The following RNF38 variants were observed in gnomAD, a reference collection of about 807,000 sequenced individuals.
The protein encoded by RNF38 is E3 ubiquitin-protein ligase RNF38.
Under a neutral mutation model 67.2 loss-of-function variants are expected in RNF38, and 15 were observed. That is an observed-to-expected ratio of 0.22 (90% confidence interval 0.15 to 0.34). RNF38 has a LOEUF of 0.34. RNF38 is among the 10% of genes least tolerant of loss of function. The pLI, the probability that RNF38 is intolerant of heterozygous loss-of-function variation, is 1.00. For missense variants in RNF38, 524 were observed against 639.9 expected (o/e 0.82, Z 1.95); for synonymous variants, 220 against 218.8 (o/e 1.01, Z -0.05).
chr9:36,391,264 T>C (rs990208115), intron 1 of RNF38, among the ~76,000 whole-genome samples: 24 of 152,190 alleles, frequency 1.6e-4, no homozygotes, highest in Admixed American at 1.4e-3. Flanking sequence ...CCCAGCACTT[T>C]GGTATGCCAA....
rs528936483 is a variant in RNF38 at position 36,338,457 on chromosome 9, C to T, written c.*1295G>A. 6.6e-6 allele frequency: 1 copy of T among 152,198 alleles called. No homozygotes were observed. The highest frequency in any genetic ancestry group is 1.5e-5 in the Non-Finnish European group (1 of 68,040). 9.4% of individuals were successfully genotyped at this position (152,198 alleles called of 1,614,324 possible). Reference sequence around the variant, plus strand: ...CAGGTCTAAGGAACATGAGCTGTAACAGCACTTGATCCATCCTGAAACCAG... The same window carrying T: ...CAGGTCTAAGGAACATGAGCTGTAATAGCACTTGATCCATCCTGAAACCAG... On this transcript the variant is annotated 3_prime_UTR_variant, in exon 12 of 12. Transcript: ENST00000259605.
intron 4 of RNF38, among the ~76,000 whole-genome samples, chr9:36,365,554 G>C (rs1834876170): frequency 1.3e-5 from 2 of 151,492 alleles, no homozygotes; most frequent in African/African-American, 4.9e-5. Flanking sequence ...TCCTGGGCAA[G>C]AAGAGCGAAA....
chr9:36,401,017 C>G, upstream of RNF38: 1 of 984,710 alleles, frequency 1.0e-6, no homozygotes, highest in Non-Finnish European at 1.2e-6. Context: ...CTCCCCTCGC[C>G]GCTAGGCCGC....
intron 1 of RNF38, among the ~76,000 whole-genome samples, chr9:36,429,108 C>A (rs946634803): frequency 5.9e-5 from 9 of 152,210 alleles, no homozygotes; most frequent in Non-Finnish European, 1.3e-4. Flanking sequence ...AGATGCATTT[C>A]TTTGCCAATA....
At chr9:36,360,270 T>C (rs1834430714) in intron 4 of RNF38, among the ~76,000 whole-genome samples, 1 of 152,224 alleles carries the variant, frequency 6.6e-6, no homozygotes, top group African/African-American at 2.4e-5. Flanking sequence ...TTTTACTCTA[T>C]TTGCATGTCA....
At chr9:36,400,700 A>T (rs1297252255), upstream of RNF38, 10 of 985,800 alleles carry the variant, frequency 1.0e-5, no homozygotes, top group African/African-American at 1.7e-5. Context: ...CCCGGCTCCA[A>T]CTTAGGCACT....
intron 1 of RNF38, among the ~76,000 whole-genome samples, chr9:36,396,063 T>C (rs1411746564): frequency 1.3e-5 from 2 of 152,242 alleles, no homozygotes; most frequent in Non-Finnish European, 2.9e-5. Context: ...GACTTGAGCA[T>C]ACACTCAGGA....
At chr9:36,343,300 A>G (rs1311718584) in intron 10 of RNF38, among the ~76,000 whole-genome samples, 1 of 152,206 alleles carries the variant, frequency 6.6e-6, no homozygotes, top group Non-Finnish European at 1.5e-5. Flanking sequence ...TTTTTTTTAC[A>G]CTTTTTATTA....
At chr9:36,423,360 T>C (rs1334221763) in intron 2 of RNF38, among the ~76,000 whole-genome samples, 2 of 152,098 alleles carry the variant, frequency 1.3e-5, no homozygotes, top group African/African-American at 4.8e-5. Flanking sequence ...AAGAAACCAT[T>C]TGGAAAATCC....
chr9:36,347,301 C>T lies in RNF38; in HGVS notation c.1264-2348G>A, dbSNP rs187192180. Among the ~76,000 whole-genome samples, 13 of 152,238 alleles carry T rather than the reference C, an allele frequency of 8.5e-5. No individual in the cohort carries two copies. In the East Asian group the frequency reaches 1.7e-3, roughly 20 times the overall value. ...ATGTTAAGTTCTTACAGTATAAAGA[C>T]TACACAGGCATATTTCACTTTACTG... is the stretch of plus-strand genomic sequence containing the variant. On this transcript the variant is annotated intron_variant, in intron 9 of 11. Coordinates refer to ENST00000259605, the MANE Select transcript of RNF38 (RefSeq NM_022781.5).
At chr9:36,386,421 TTC>T (rs1364400552) in intron 2 of RNF38, among the ~76,000 whole-genome samples, 1 of 152,248 alleles carries the variant, frequency 6.6e-6, no homozygotes, top group Admixed American at 6.5e-5. Flanking sequence ...CACAATAATT[TTC>T]TCTTTCAGAA....
intron 1 of RNF38, among the ~76,000 whole-genome samples, chr9:36,463,329 T>C (rs964903138): frequency 1.3e-5 from 2 of 152,204 alleles, no homozygotes; most frequent in Non-Finnish European, 2.9e-5. Flanking sequence ...TATGAAGTAA[T>C]AAACTGGCAC....
At chr9:36,460,964 A>G (rs1839719533) in intron 1 of RNF38, among the ~76,000 whole-genome samples, 1 of 151,672 alleles carries the variant, frequency 6.6e-6, no homozygotes, top group Non-Finnish European at 1.5e-5. Flanking sequence ...TGTAATTCCA[A>G]CACTTTGGGA....
chr9:36,393,790 T>G (rs1157651124), intron 1 of RNF38, among the ~76,000 whole-genome samples: 1 of 152,050 alleles, frequency 6.6e-6, no homozygotes, highest in African/African-American at 2.4e-5. Flanking sequence ...TCCCAAGAGA[T>G]TCTCTTGCCA....
chr9:36,374,055 C>T lies in RNF38; in HGVS notation c.356+1879G>A, dbSNP rs149523560. Among the ~76,000 whole-genome samples, 681 of 152,216 alleles carry T rather than the reference C, an allele frequency of 4.5e-3. 3 individuals are homozygous for T. The highest frequency in any genetic ancestry group is 0.017 in the Middle Eastern group (5 of 294). On this transcript the variant is annotated intron_variant, in intron 3 of 11. Coordinates refer to ENST00000259605, the MANE Select transcript of RNF38 (RefSeq NM_022781.5). ...AGGAAGACTACAGCAGGTACTCAGG[C>T]CTTAACTTTGCAATAACTATACTTT...
chr9:36,400,922 G>GCGCCCCGCCT, upstream of RNF38: 1 of 879,246 alleles, frequency 1.1e-6, no homozygotes, highest in South Asian at 5.4e-5. Flanking sequence ...GCGCCCCGCC[G>GCGCCCCGCCT]CACCCCGCCT....
intron 2 of RNF38, among the ~76,000 whole-genome samples, chr9:36,380,029 A>T (rs1025653241): frequency 1.3e-5 from 2 of 152,192 alleles, no homozygotes; most frequent in African/African-American, 4.8e-5. Flanking sequence ...CTAGTTTCTG[A>T]TAGTTAAAAT....
At chr9:36,418,236 C>T (rs1838525307) in intron 2 of RNF38, among the ~76,000 whole-genome samples, 1 of 151,970 alleles carries the variant, frequency 6.6e-6, no homozygotes, top group African/African-American at 2.4e-5. Context: ...CCATGTTGTC[C>T]AGGCTGGTCA....
chr9:36,487,341 C>T (rs1319910410), exon 1 of RNF38: 1 of 985,040 alleles, frequency 1.0e-6, no homozygotes, highest in Admixed American at 6.2e-5. Flanking sequence ...GCGCCGCCAC[C>T]CTGGGCTCCC....
Sources: gnomAD v4.1 joint callset for allele counts (sites outside exome capture counted in the v4.1 genomes callset) on GRCh38, gnomAD v4.1.1 for gene constraint, MANE v1.5 for transcripts, NCBI Gene and HGNC (gene_info 2026-07-23, HGNC 2026-07-21) for gene names.